Variants in COL5A2 observed in about 807,000 individuals in gnomAD.
COL5A2 encodes the protein collagen type V alpha 2 chain.
COL5A2 carries 23 observed loss-of-function variants against 208.2 expected under a neutral mutation model. The observed-to-expected ratio is 0.11, with a 90% CI of 0.08 to 0.16. The LOEUF (loss-of-function observed/expected upper bound fraction) is 0.16, where lower values mean the gene tolerates loss of function less well. Among genes scored for constraint, COL5A2 ranks in the 10% least tolerant of loss-of-function variants. COL5A2 has a pLI of 1.00. For synonymous variants in COL5A2, 625 were observed against 628.5 expected, an observed-to-expected ratio of 0.99 and a Z score of 0.08; for missense variants, 1,590 against 1,956.4, an observed-to-expected ratio of 0.81 and a Z score of 3.53.
At chr2:189,157,911 C>T (rs1432014096) in intron 1 of COL5A2, among the ~76,000 whole-genome samples, 2 of 151,912 alleles carry the variant, frequency 1.3e-5, no homozygotes, top group Non-Finnish European at 1.5e-5. Context: ...TTTGTGGCAA[C>T]TAAATTTTCA....
the COL5A2 span, among the ~76,000 whole-genome samples, chr2:189,414,615 T>C: frequency 7.9e-5 from 12 of 151,984 alleles, no homozygotes; most frequent in African/African-American, 2.9e-4. Context: ...CCAAGTGCGG[T>C]GGCATGCGCC....
At chr2:189,179,876 G>A, upstream of COL5A2, 4 of 594,428 alleles carry the variant, frequency 6.7e-6, no homozygotes, top group Non-Finnish European at 1.2e-5. Context: ...GCCAAGCAAC[G>A]GTCTGATTGA....
chr2:189,036,998 A>G (rs1395205158), intron 51 of COL5A2, among the ~76,000 whole-genome samples, 195 bp from the exon 52 acceptor site: 3 of 152,176 alleles, frequency 2.0e-5, no homozygotes, highest in African/African-American at 7.2e-5. Context: ...ATTGTAAGGC[A>G]CTTTGCCAAA....
At chr2:189,052,874 A>T in intron 39 of COL5A2, 37 bp downstream of exon 39, 1 of 1,611,110 alleles carries the variant, frequency 6.2e-7, no homozygotes, top group Non-Finnish European at 8.5e-7. Flanking sequence ...AACATGGGGC[A>T]CTTGACTCAA....
intron 1 of COL5A2, among the ~76,000 whole-genome samples, chr2:189,110,884 A>C (rs1160138688): frequency 6.6e-6 from 1 of 152,176 alleles, no homozygotes; most frequent in Non-Finnish European, 1.5e-5. Flanking sequence ...ACTTTAGTAA[A>C]TTCCACAACA....
chr2:189,096,724 A>G (rs1686924613), intron 6 of COL5A2, among the ~76,000 whole-genome samples: 1 of 152,070 alleles, frequency 6.6e-6, no homozygotes, highest in South Asian at 2.1e-4. Flanking sequence ...GGTATATATT[A>G]TATAATATCC....
the COL5A2 span, among the ~76,000 whole-genome samples, chr2:189,334,683 G>A: frequency 1.3e-3 from 195 of 152,174 alleles, no homozygotes; most frequent in African/African-American, 4.5e-3. Flanking sequence ...GTTTAATGCA[G>A]TCTCAGTTAA....
At chr2:189,179,259 C>A (rs1009221682) in intron 1 of COL5A2, among the ~76,000 whole-genome samples, 1 of 152,122 alleles carries the variant, frequency 6.6e-6, no homozygotes, top group African/African-American at 2.4e-5. Flanking sequence ...CACACTCAGC[C>A]AAAAGGACTT....
the COL5A2 span, among the ~76,000 whole-genome samples, chr2:189,428,402 G>A: frequency 0.013 from 1,944 of 152,262 alleles, 52 homozygotes; most frequent in African/African-American, 0.044. Context: ...GGTGGATCAT[G>A]AGGTCAGGAG....
intron 1 of COL5A2, among the ~76,000 whole-genome samples, chr2:189,191,158 A>AAAAAAC (rs764677628): frequency 1.4e-4 from 18 of 130,756 alleles, no homozygotes; most frequent in Non-Finnish European, 2.1e-4. Context: ...AAAACAAAAA[A>AAAAAAC]CAAACAAACA....
chr2:189,361,671 T>G, the COL5A2 span, among the ~76,000 whole-genome samples: 1 of 152,116 alleles, frequency 6.6e-6, no homozygotes, highest in African/African-American at 2.4e-5. Flanking sequence ...TCTGGTTGTT[T>G]TATAGATTCT....
chr2:189,277,967 A>T, the COL5A2 span, among the ~76,000 whole-genome samples: 1 of 152,100 alleles, frequency 6.6e-6, no homozygotes, highest in Non-Finnish European at 1.5e-5. Flanking sequence ...TACCTTTACT[A>T]TTAAGTATAA....
the COL5A2 span, among the ~76,000 whole-genome samples, chr2:189,254,927 A>C: frequency 1.3e-5 from 2 of 152,072 alleles, no homozygotes; most frequent in African/African-American, 4.8e-5. Flanking sequence ...GTATCTTATA[A>C]CCTCTATTCT....
At chr2:189,301,114 G>T in the COL5A2 span, among the ~76,000 whole-genome samples, 1 of 152,020 alleles carries the variant, frequency 6.6e-6, no homozygotes, top group East Asian at 1.9e-4. Flanking sequence ...TTGAACCCAG[G>T]AAGTAGAGGC....
intron 1 of COL5A2, among the ~76,000 whole-genome samples, chr2:189,114,213 G>A (rs1275212396): frequency 1.3e-5 from 2 of 152,132 alleles, no homozygotes; most frequent in Non-Finnish European, 2.9e-5. Flanking sequence ...ACTCAGACAA[G>A]AATCCATACA....
the COL5A2 span, among the ~76,000 whole-genome samples, chr2:189,275,163 C>T: frequency 3.9e-5 from 6 of 152,162 alleles, no homozygotes; most frequent in Admixed American, 1.3e-4. Context: ...CACAGTTTTT[C>T]GATTTACTTA....
intron 5 of COL5A2, among the ~76,000 whole-genome samples, chr2:189,097,946 A>G (rs1235897761): frequency 1.3e-5 from 2 of 152,160 alleles, no homozygotes. Context: ...AAATTTCCAA[A>G]TCTTAATTAC....
In COL5A2 at chr2:189,064,641, T is replaced by C; in HGVS notation, c.1632A>G (p.Glu544=). The C allele has an allele frequency of 6.2e-7, 1 of 1,613,502 alleles. No individual in the cohort carries two copies. Among genetic ancestry groups the C allele is most frequent in the South Asian group, 1.1e-5 (1 of 91,072 alleles). ...GLPGPKGAQG[E]RGPVGSSGPK... ...GTCCTGAAGAACCTACAGGACCCCG[T>C]TCTCCTTGAGCACCCTGTACCGAGG... Residue 544 remains glutamate, a synonymous_variant, in exon 25 of 54, where the codon GAA becomes GAG. Transcript: ENST00000374866.
Position 189,179,442 on chromosome 2 carries a change from T to C in COL5A2, c.97+66A>G. On this transcript the variant is annotated intron_variant, in intron 1 of 53. Coordinates refer to ENST00000374866, the MANE Select transcript of COL5A2 (RefSeq NM_000393.5). ...CTCCTCTTCACGCTCTTCCTGAGGC[T>C]TAACATTCCACCTATTTCCCAAACC... 1.3e-6 allele frequency: 2 copies of C among 1,553,808 alleles called. 1 individual carries two copies. The highest frequency in any genetic ancestry group is 2.3e-5 in the South Asian group (2 of 86,156).
Sources: gnomAD v4.1 joint callset for allele counts (sites outside exome capture counted in the v4.1 genomes callset) on GRCh38, gnomAD v4.1.1 for gene constraint, MANE v1.5 for transcripts, NCBI Gene and HGNC (gene_info 2026-07-23, HGNC 2026-07-21) for gene names.